RRAS2: variants seen among roughly 807,000 people sequenced by gnomAD.
RRAS2 encodes the protein RAS related 2.
In RRAS2, 7 loss-of-function variants were observed where a neutral mutation model predicts 27.6. The ratio of observed to expected loss-of-function variants is 0.25; its 90% confidence interval spans 0.14 to 0.48. The LOEUF (loss-of-function observed/expected upper bound fraction) is 0.48. Among genes scored for constraint, RRAS2 ranks in the 20% least tolerant of loss-of-function variants. The probability of loss-of-function intolerance (pLI) is 0.99; values close to 1 mark genes in which losing one functional copy is unlikely to be tolerated. For missense variants in RRAS2, 178 were observed against 256.2 expected (o/e 0.69, Z 2.08); for synonymous variants, 86 against 90.9 (o/e 0.95, Z 0.31).
rs114907322 is a variant in RRAS2, at chr11:14,302,400, G to A, written c.109-6545C>T. Among the ~76,000 whole-genome samples, 972 of 152,260 alleles carry A rather than the reference G, an allele frequency of 6.4e-3. 17 individuals are homozygous for A. Among genetic ancestry groups the A allele is most frequent in the African/African-American group, 0.022 (919 of 41,544 alleles). ...ATATCTTTACTGGAGACAACATGAT[G>A]AGAAGAAAACACAAGGGCTCTGGAG... On this transcript the variant is annotated intron_variant, in intron 1 of 5. Coordinates refer to ENST00000256196, the MANE Select transcript of RRAS2 (RefSeq NM_012250.6).
intron 1 of RRAS2, among the ~76,000 whole-genome samples, chr11:14,325,825 T>C (rs1848343402): frequency 6.6e-6 from 1 of 152,208 alleles, no homozygotes; most frequent in South Asian, 2.1e-4. Context: ...TTTTGTTTGC[T>C]ATTCTAAAAG....
At chr11:14,300,140 G>C (rs1354547403) in intron 1 of RRAS2, among the ~76,000 whole-genome samples, 2 of 152,222 alleles carry the variant, frequency 1.3e-5, no homozygotes, top group African/African-American at 4.8e-5. Context: ...AGAGTACACT[G>C]AGGGGAAAGG....
chr11:14,304,607 C>G (rs1847791893), intron 1 of RRAS2, among the ~76,000 whole-genome samples: 1 of 152,192 alleles, frequency 6.6e-6, no homozygotes, highest in Admixed American at 6.5e-5. Context: ...TTAAAACTTT[C>G]CTGAAGCTAA....
upstream of RRAS2, chr11:14,359,189 C>A: frequency 1.0e-6 from 1 of 989,328 alleles, no homozygotes; most frequent in East Asian, 1.1e-4. Context: ...CGTCTGGGGG[C>A]CGGGCTGCCA....
At chr11:14,323,058 A>G (rs1304902964) in intron 1 of RRAS2, among the ~76,000 whole-genome samples, 9 of 152,246 alleles carry the variant, frequency 5.9e-5, no homozygotes, top group Admixed American at 5.9e-4. Flanking sequence ...GGAGACATTT[A>G]AAAGAGAATA....
At position 14,343,169 on chromosome 11, in the gene RRAS2, G is replaced by GAAGAGA. The variant is rs577060343; in HGVS notation, c.108+15593_108+15594insTCTCTT. Among the ~76,000 whole-genome samples the GAAGAGA allele has an allele frequency of 6.2e-4, 95 of 152,230 alleles. No homozygotes were observed. In the East Asian group the frequency reaches 0.017, roughly 27 times the overall value. Reference sequence around the variant, plus strand: ...TCATTGGATAATCAGCTCAGCCAATGGCTTCTTTCTGAAACTCTCACTACA... The same window carrying GAAGAGA: ...TCATTGGATAATCAGCTCAGCCAATGAAGAGAGCTTCTTTCTGAAACTCTCACTACA... On this transcript the variant is annotated intron_variant, in intron 1 of 5. Coordinates refer to ENST00000256196, the MANE Select transcript of RRAS2 (RefSeq NM_012250.6).
At chr11:14,333,177 T>C (rs1414145803) in intron 1 of RRAS2, among the ~76,000 whole-genome samples, 2 of 152,174 alleles carry the variant, frequency 1.3e-5, no homozygotes, top group Non-Finnish European at 2.9e-5. Context: ...ACCGATCTGC[T>C]TTAAGTCCAC....
At chr11:14,335,373 G>A (rs551867948) in intron 1 of RRAS2, among the ~76,000 whole-genome samples, 1 of 152,220 alleles carries the variant, frequency 6.6e-6, no homozygotes, top group East Asian at 1.9e-4. Flanking sequence ...TATAAAAAGG[G>A]ATATATACCT....
chr11:14,309,861 C>G (rs544487581), intron 1 of RRAS2, among the ~76,000 whole-genome samples: 2 of 152,286 alleles, frequency 1.3e-5, no homozygotes, highest in African/African-American at 4.8e-5. Context: ...ATGAAAACCA[C>G]TAGAGGGTCT....
Position 14,314,459 on chromosome 11 carries a change from C to T in RRAS2, c.109-18604G>A, listed in dbSNP as rs576289515. 2.0e-5 allele frequency among the ~76,000 whole-genome samples: 3 copies of T among 152,186 alleles called. No homozygotes were observed. In the South Asian group the frequency reaches 6.2e-4, roughly 32 times the overall value. On this transcript the variant is annotated intron_variant, in intron 1 of 5. Transcript: ENST00000256196. ...TGCAGAAATAAGAAGTGCAGAAAAG[C>T]AATAAATGCAGAACAAAATATTAAC...
chr11:14,335,620 A>G (rs1321515746), intron 1 of RRAS2, among the ~76,000 whole-genome samples: 1 of 152,226 alleles, frequency 6.6e-6, no homozygotes, highest in Non-Finnish European at 1.5e-5. Flanking sequence ...TCTTCTGAAA[A>G]GATAGAGTAG....
intron 1 of RRAS2, among the ~76,000 whole-genome samples, chr11:14,306,908 A>G (rs79068195): frequency 5.9e-5 from 8 of 134,674 alleles, no homozygotes; most frequent in East Asian, 2.2e-4. Context: ...AAAAAAAAAA[A>G]GGCCGGGCGC....
At position 14,354,946 on chromosome 11, in the gene RRAS2, G is replaced by A. The variant is rs183040112; in HGVS notation, c.108+3817C>T. 5.9e-5 allele frequency among the ~76,000 whole-genome samples: 9 copies of A among 151,974 alleles called. No individual in the cohort carries two copies. The East Asian group carries it at 1.5e-3, about 26-fold the overall frequency. On this transcript the variant is annotated intron_variant, in intron 1 of 5. Transcript: ENST00000256196. ...CCCACCTTGGCCTCCCAAAATGCTGGGATTACAGGTGTGAGCCACCACGCC... is the reference window on the plus strand; with the variant it reads ...CCCACCTTGGCCTCCCAAAATGCTGAGATTACAGGTGTGAGCCACCACGCC...
intron 4 of RRAS2, 50 bp downstream of exon 4, chr11:14,294,421 C>T (rs369387536): frequency 1.4e-5 from 17 of 1,219,714 alleles, no homozygotes; most frequent in Admixed American, 2.3e-5. Context: ...TATCAGTTCA[C>T]TCACATGATT....
chr11:14,339,878 C>T (rs1484086702), intron 1 of RRAS2, among the ~76,000 whole-genome samples: 5 of 151,900 alleles, frequency 3.3e-5, no homozygotes, highest in African/African-American at 1.2e-4. Flanking sequence ...CCTTGGGAGG[C>T]TGAGGTGGGC....
At chr11:14,295,440 A>C (rs1456169584) in intron 2 of RRAS2, among the ~76,000 whole-genome samples, 3 of 152,206 alleles carry the variant, frequency 2.0e-5, no homozygotes, top group African/African-American at 7.2e-5. Flanking sequence ...TATTCACTTC[A>C]TCCATTTTAA....
intron 1 of RRAS2, among the ~76,000 whole-genome samples, chr11:14,339,135 A>T (rs1848645831): frequency 6.6e-6 from 1 of 152,062 alleles, no homozygotes; most frequent in African/African-American, 2.4e-5. Flanking sequence ...TTTACAAGGA[A>T]AATAACTTTA....
chr11:14,306,264 G>A (rs1847827457), intron 1 of RRAS2, among the ~76,000 whole-genome samples: 1 of 125,720 alleles, frequency 8.0e-6, no homozygotes, highest in African/African-American at 2.9e-5. Flanking sequence ...TTGAATGTAA[G>A]AGTACTATAT....
chr11:14,315,892 G>C (rs1181950400), intron 1 of RRAS2, among the ~76,000 whole-genome samples: 2 of 152,036 alleles, frequency 1.3e-5, no homozygotes, highest in Admixed American at 1.3e-4. Context: ...CACATTTTAG[G>C]GTACTCAGAG....
Sources: gnomAD v4.1 joint callset for allele counts (sites outside exome capture counted in the v4.1 genomes callset) on GRCh38, gnomAD v4.1.1 for gene constraint, MANE v1.5 for transcripts, NCBI Gene and HGNC (gene_info 2026-07-23, HGNC 2026-07-21) for gene names.